Variants in BAZ2B observed in about 807,000 individuals in gnomAD.
BAZ2B encodes the protein bromodomain adjacent to zinc finger domain protein 2B.
Under a neutral mutation model 246.0 loss-of-function variants are expected in BAZ2B, and 91 were observed. That is an observed-to-expected ratio of 0.37 (90% CI 0.31 to 0.44). The LOEUF is 0.44. BAZ2B is among the 20% of genes least tolerant of loss of function. The probability of loss-of-function intolerance (pLI) is 1.00; values close to 1 mark genes in which losing one functional copy is unlikely to be tolerated. For synonymous variants in BAZ2B, 855 were observed against 860.0 expected, an observed-to-expected ratio of 0.99 and a Z score of 0.10; for missense variants, 2,332 against 2,533.7, an observed-to-expected ratio of 0.92 and a Z score of 1.71.
rs539409029 is a variant in BAZ2B at position 159,451,176 on chromosome 2, T to C, written c.334+2437A>G. Among the ~76,000 whole-genome samples, 4 of 152,226 alleles carry C rather than the reference T, an allele frequency of 2.6e-5. No individual in the cohort carries two copies. The East Asian group carries it at 7.7e-4, about 29-fold the overall frequency. ...CGCAAAAATTCATGGTAATTTAATA[T>C]GAAAATTAACTACAAAAAAGTACAA... On this transcript the variant is annotated intron_variant, in intron 4 of 36. Transcript: ENST00000392783.
At chr2:159,584,137 T>G (rs1687497055) in intron 1 of BAZ2B, among the ~76,000 whole-genome samples, 1 of 151,914 alleles carries the variant, frequency 6.6e-6, no homozygotes, top group African/African-American at 2.4e-5. Context: ...GTTTTTTTTT[T>G]TTTGAGATGG....
intron 2 of BAZ2B, among the ~76,000 whole-genome samples, chr2:159,500,134 GGTTTTTATAGTT>G (rs2081558903): frequency 6.6e-6 from 1 of 151,980 alleles, no homozygotes; most frequent in African/African-American, 2.4e-5. Flanking sequence ...TTTCTTCTAG[GGTTTTTATAGTT>G]TTGGGTTTTA....
At chr2:159,345,077 G>C (rs898955856) in intron 31 of BAZ2B, among the ~76,000 whole-genome samples, 5 of 151,956 alleles carry the variant, frequency 3.3e-5, no homozygotes, top group African/African-American at 1.2e-4. Context: ...GGGCTTGGTG[G>C]GGCATGCCTG....
chr2:159,544,287 A>G (rs912304056), intron 2 of BAZ2B, among the ~76,000 whole-genome samples: 6 of 152,204 alleles, frequency 3.9e-5, no homozygotes, highest in Non-Finnish European at 5.9e-5. Flanking sequence ...GGATTAATTT[A>G]CTACAGGTCA....
chr2:159,325,435 T>G (rs1473132552), intron 35 of BAZ2B, among the ~76,000 whole-genome samples: 1 of 151,482 alleles, frequency 6.6e-6, no homozygotes, highest in Non-Finnish European at 1.5e-5. Flanking sequence ...CAGGCCCAAT[T>G]ATAATCTTTC....
chr2:159,576,455 A>C (rs989473219), intron 1 of BAZ2B, among the ~76,000 whole-genome samples: 1 of 152,084 alleles, frequency 6.6e-6, no homozygotes, highest in African/African-American at 2.4e-5. Flanking sequence ...CATGAAAATA[A>C]ACTAAATCTT....
intron 1 of BAZ2B, among the ~76,000 whole-genome samples, chr2:159,596,922 C>A (rs1345782401): frequency 6.6e-6 from 1 of 152,178 alleles, no homozygotes; most frequent in Non-Finnish European, 1.5e-5. Flanking sequence ...AGAAGTGGGA[C>A]TGCTGGATCA....
At chr2:159,400,986 G>C (rs2064956880) in intron 16 of BAZ2B, among the ~76,000 whole-genome samples, 2 of 152,002 alleles carry the variant, frequency 1.3e-5, no homozygotes, top group Admixed American at 6.6e-5. Context: ...GGAGCTTGCA[G>C]TCAGCCAAGA....
At chr2:159,484,105 C>A (rs751272298) in intron 2 of BAZ2B, among the ~76,000 whole-genome samples, 3 of 152,068 alleles carry the variant, frequency 2.0e-5, no homozygotes, top group Non-Finnish European at 2.9e-5. Context: ...AGATAGAGGC[C>A]AGGGATGCTG....
At chr2:159,422,313 G>A (rs1466525612) in intron 13 of BAZ2B, among the ~76,000 whole-genome samples, 2 of 152,098 alleles carry the variant, frequency 1.3e-5, no homozygotes, top group Non-Finnish European at 2.9e-5. Flanking sequence ...AACAAAGCTG[G>A]AGGCATCACA....
At chr2:159,706,353 A>G in the BAZ2B span, among the ~76,000 whole-genome samples, 1 of 152,246 alleles carries the variant, frequency 6.6e-6, no homozygotes, top group Admixed American at 6.5e-5. Context: ...GTGGACACGA[A>G]AAAAAATTTA....
the BAZ2B span, among the ~76,000 whole-genome samples, chr2:159,671,209 A>G: frequency 0.023 from 3,505 of 152,238 alleles, 48 homozygotes; most frequent in Non-Finnish European, 0.035. Context: ...ACTGCCTACT[A>G]TCTTCACTCA....
chr2:159,705,037 G>A, the BAZ2B span, among the ~76,000 whole-genome samples: 1 of 146,592 alleles, frequency 6.8e-6, no homozygotes, highest in African/African-American at 2.5e-5. Context: ...TTTGGAGACA[G>A]GGTCTTGCTC....
chr2:159,464,172 T>C (rs940331083), intron 3 of BAZ2B: 1 of 152,176 alleles, frequency 6.6e-6, no homozygotes, highest in Non-Finnish European at 1.5e-5. Flanking sequence ...CTTGATTAAC[T>C]AATTAAAATA....
intron 2 of BAZ2B, among the ~76,000 whole-genome samples, chr2:159,526,104 A>T (rs976843694): frequency 2.0e-5 from 3 of 151,654 alleles, no homozygotes; most frequent in African/African-American, 4.8e-5. Flanking sequence ...AGTAGGGATA[A>T]TTTTTTTTTA....
intron 20 of BAZ2B, among the ~76,000 whole-genome samples, chr2:159,393,088 C>T (rs1040453148): frequency 2.8e-5 from 4 of 141,508 alleles, no homozygotes; most frequent in Non-Finnish European, 6.2e-5. Context: ...TAGTACAGAC[C>T]GTTCATTCAG....
chr2:159,689,692 A>G, the BAZ2B span: 1 of 370,126 alleles, frequency 2.7e-6, no homozygotes, highest in South Asian at 2.8e-5. Flanking sequence ...CTTTTCTAAC[A>G]AAGAAATCAT....
chr2:159,576,844 C>T (rs980261492), intron 1 of BAZ2B, among the ~76,000 whole-genome samples: 4 of 134,458 alleles, frequency 3.0e-5, no homozygotes, highest in Admixed American at 8.6e-5. Context: ...ACCCAGGAGG[C>T]AGAGGTTGCG....
At chr2:159,340,632 A>T (rs1482870438) in intron 31 of BAZ2B, among the ~76,000 whole-genome samples, 2 of 151,952 alleles carry the variant, frequency 1.3e-5, no homozygotes, top group Non-Finnish European at 2.9e-5. Flanking sequence ...TATTCAAAGT[A>T]GTGAGAGAAA....
Sources: allele counts gnomAD v4.1 joint callset (sites outside exome capture counted in the v4.1 genomes callset), GRCh38; gene constraint gnomAD v4.1.1; transcripts MANE v1.5; gene names NCBI Gene and HGNC (gene_info 2026-07-23, HGNC 2026-07-21).